TNFSF4: variants seen among roughly 807,000 people sequenced by gnomAD.
TNFSF4 encodes tumor necrosis factor ligand superfamily member 4.
Under a neutral mutation model 7.3 loss-of-function variants are expected in TNFSF4, and 4 were observed. That is an observed-to-expected ratio of 0.55 (90% CI 0.27 to 1.25). TNFSF4 has a LOEUF of 1.25. TNFSF4 is among the 50% of genes most tolerant of loss of function. TNFSF4 has a pLI of 0.12. For missense variants in TNFSF4, 181 were observed against 208.8 expected (o/e 0.87, Z 0.82); for synonymous variants, 76 against 83.7 (o/e 0.91, Z 0.50).
chr1:173,214,882 G>C, the TNFSF4 span, among the ~76,000 whole-genome samples: 4 of 152,142 alleles, frequency 2.6e-5, no homozygotes, highest in African/African-American at 7.2e-5. Context: ...GGTAACCTAA[G>C]CACAACAGCA....
At chr1:173,401,501 C>T in the TNFSF4 span, among the ~76,000 whole-genome samples, 15 of 152,096 alleles carry the variant, frequency 9.9e-5, no homozygotes, top group Non-Finnish European at 1.9e-4. Flanking sequence ...CTGTTGAGGA[C>T]ATGAAAAAAC....
At chr1:173,379,910 A>T in the TNFSF4 span, among the ~76,000 whole-genome samples, 4 of 152,302 alleles carry the variant, frequency 2.6e-5, no homozygotes, top group South Asian at 8.3e-4. Context: ...CCCAGACTGC[A>T]ATGGTTCTCT....
In TNFSF4 at chr1:173,205,544, T is replaced by C. The variant is rs1650149801; in HGVS notation, c.153+1480A>G. On this transcript the variant is annotated intron_variant, in intron 1 of 2. Coordinates refer to ENST00000281834, the MANE Select transcript of TNFSF4 (RefSeq NM_003326.5). ...AATCAGTTAGCCTTGAATGGAGCCA[T>C]GTGTCCTGTGTTTTATCATCCCATG... 30 of 1,317,784 alleles carry C rather than the reference T, an allele frequency of 2.3e-5. No homozygotes were observed. The South Asian group carries it at 5.9e-4, about 26-fold the overall frequency. 81.6% of individuals were successfully genotyped at this position (1,317,784 alleles called of 1,614,324 possible). A position where few individuals can be genotyped will look rare whatever the true frequency, so the allele number is the denominator to read the frequency against.
At chr1:173,355,856 C>T in the TNFSF4 span, among the ~76,000 whole-genome samples, 3 of 152,218 alleles carry the variant, frequency 2.0e-5, no homozygotes, top group East Asian at 5.8e-4. Context: ...TACTCAAATG[C>T]CTTGCTGGGC....
the TNFSF4 span, among the ~76,000 whole-genome samples, chr1:173,368,175 A>C: frequency 1.2e-4 from 18 of 152,286 alleles, no homozygotes; most frequent in African/African-American, 4.1e-4. Flanking sequence ...AGGGAATAAA[A>C]GTTGGCCACC....
the TNFSF4 span, among the ~76,000 whole-genome samples, chr1:173,290,288 A>G: frequency 2.0e-5 from 3 of 152,220 alleles, no homozygotes; most frequent in African/African-American, 7.2e-5. Context: ...CTTAAAAGGC[A>G]TAAAGTGGCA....
the TNFSF4 span, among the ~76,000 whole-genome samples, chr1:173,416,689 T>C: frequency 6.9e-6 from 1 of 143,976 alleles, no homozygotes; most frequent in African/African-American, 2.6e-5. Flanking sequence ...AGTGCAGTGA[T>C]GTCATTTTGG....
chr1:173,434,819 G>A, the TNFSF4 span, among the ~76,000 whole-genome samples: 1 of 152,186 alleles, frequency 6.6e-6, no homozygotes, highest in African/African-American at 2.4e-5. Context: ...ATCTGATTTG[G>A]CAGACAGAAG....
At chr1:173,345,087 T>C in the TNFSF4 span, among the ~76,000 whole-genome samples, 1 of 152,176 alleles carries the variant, frequency 6.6e-6, no homozygotes, top group South Asian at 2.1e-4. Flanking sequence ...TGAATGTAGA[T>C]CGAAAAACTA....
the TNFSF4 span, among the ~76,000 whole-genome samples, chr1:173,247,171 T>C: frequency 6.6e-6 from 1 of 152,234 alleles, no homozygotes; most frequent in Non-Finnish European, 1.5e-5. Context: ...GACCAATTAG[T>C]ACTATCTGTA....
chr1:173,420,528 G>A, the TNFSF4 span, among the ~76,000 whole-genome samples: 1 of 146,322 alleles, frequency 6.8e-6, no homozygotes, highest in African/African-American at 2.7e-5. Context: ...ATGGCCACCA[G>A]GTGGCAGTAA....
At chr1:173,268,307 T>G in the TNFSF4 span, among the ~76,000 whole-genome samples, 1 of 152,246 alleles carries the variant, frequency 6.6e-6, no homozygotes, top group Admixed American at 6.5e-5. Context: ...TCATAGTTGA[T>G]GTAAAACTTC....
the TNFSF4 span, among the ~76,000 whole-genome samples, chr1:173,443,623 C>T: frequency 6.6e-6 from 1 of 152,172 alleles, no homozygotes; most frequent in African/African-American, 2.4e-5. Context: ...CACACACCCT[C>T]AGGCTCTTGA....
At chr1:173,188,490 A>G in intron 2 of TNFSF4, 31 bp downstream of exon 2, 3 of 1,534,122 alleles carry the variant, frequency 2.0e-6, no homozygotes, top group Admixed American at 1.7e-5. Flanking sequence ...TTTCAAAAAT[A>G]TGAATCAATT....
chr1:173,251,525 G>A, the TNFSF4 span, among the ~76,000 whole-genome samples: 1 of 152,320 alleles, frequency 6.6e-6, no homozygotes, highest in East Asian at 1.9e-4. Flanking sequence ...TGACCAAGGT[G>A]GGCCCTCAAG....
chr1:173,178,464 C>G, the TNFSF4 span, among the ~76,000 whole-genome samples: 1 of 152,094 alleles, frequency 6.6e-6, no homozygotes, highest in South Asian at 2.1e-4. Flanking sequence ...GTCCCAGCTA[C>G]TGGGGAGGCT....
At chr1:173,423,007 T>C in the TNFSF4 span, among the ~76,000 whole-genome samples, 126,919 of 151,542 alleles carry the variant, frequency 0.84, 53,437 homozygotes, top group African/African-American at 0.92. Flanking sequence ...CTCGCTCTGT[T>C]GCCCACACTG....
At chr1:173,291,626 T>C in the TNFSF4 span, among the ~76,000 whole-genome samples, 1 of 151,812 alleles carries the variant, frequency 6.6e-6, no homozygotes, top group Admixed American at 6.6e-5. Flanking sequence ...AAACATAGCT[T>C]AAGAAAAGAA....
chr1:173,425,820 C>A, the TNFSF4 span, among the ~76,000 whole-genome samples: 1 of 152,246 alleles, frequency 6.6e-6, no homozygotes, highest in Non-Finnish European at 1.5e-5. Context: ...CCACATTCTA[C>A]AACCTGCATT....
Sources: allele counts gnomAD v4.1 joint callset (sites outside exome capture counted in the v4.1 genomes callset), GRCh38; gene constraint gnomAD v4.1.1; transcripts MANE v1.5; gene names NCBI Gene and HGNC (gene_info 2026-07-23, HGNC 2026-07-21).